The following ZNF521 variants were observed in gnomAD, a reference collection of about 807,000 sequenced individuals.
ZNF521 encodes LYST-interacting protein 3.
In ZNF521, 14 loss-of-function variants were observed where a neutral mutation model predicts 105.5. The ratio of observed to expected loss-of-function variants is 0.13; its 90% CI spans 0.09 to 0.21. The LOEUF (loss-of-function observed/expected upper bound fraction) is 0.21. Among genes scored for constraint, ZNF521 ranks in the 10% least tolerant of loss-of-function variants. The pLI, the probability that ZNF521 is intolerant of heterozygous loss-of-function variation, is 1.00. For synonymous variants in ZNF521, 635 were observed against 606.0 expected (o/e 1.05, Z -0.70); for missense variants, 1,233 against 1,629.7 (o/e 0.76, Z 4.19).
chr18:25,116,790 A>C (rs958745848), intron 5 of ZNF521, among the ~76,000 whole-genome samples: 4 of 151,116 alleles, frequency 2.6e-5, no homozygotes, highest in African/African-American at 9.7e-5. Context: ...GTTATGTCTG[A>C]CTTGAAGAAC....
At chr18:25,281,037 C>T (rs1161549826) in intron 3 of ZNF521, among the ~76,000 whole-genome samples, 3 of 152,282 alleles carry the variant, frequency 2.0e-5, no homozygotes, top group African/African-American at 7.2e-5. Flanking sequence ...TCATTTTCTA[C>T]TTCCCAGTTG....
chr18:25,161,588 A>G (rs1755013917), intron 5 of ZNF521, among the ~76,000 whole-genome samples: 1 of 152,204 alleles, frequency 6.6e-6, no homozygotes, highest in African/African-American at 2.4e-5. Flanking sequence ...AAATGACTAG[A>G]TTTAATTTCA....
At chr18:25,150,927 C>A (rs1177949849) in intron 5 of ZNF521, among the ~76,000 whole-genome samples, 1 of 138,286 alleles carries the variant, frequency 7.2e-6, no homozygotes, top group African/African-American at 2.6e-5. Flanking sequence ...CTCGCTCTGT[C>A]ACCCAGACTG....
chr18:25,336,899 T>A (rs962809123), intron 2 of ZNF521, among the ~76,000 whole-genome samples: 4 of 152,232 alleles, frequency 2.6e-5, no homozygotes, highest in African/African-American at 9.6e-5. Context: ...TACCAGACAC[T>A]ATTCTAAGAG....
intron 3 of ZNF521, among the ~76,000 whole-genome samples, chr18:25,268,417 T>C (rs932416382): frequency 2.0e-5 from 3 of 152,108 alleles, no homozygotes; most frequent in African/African-American, 7.2e-5. Flanking sequence ...ACATTCAAAT[T>C]CAGGAAATAC....
chr18:25,236,254 G>C (rs1906879564), intron 3 of ZNF521, among the ~76,000 whole-genome samples: 1 of 152,156 alleles, frequency 6.6e-6, no homozygotes, highest in Non-Finnish European at 1.5e-5. Flanking sequence ...AGAGATGAGG[G>C]GCTGGGCGCG....
intron 7 of ZNF521, among the ~76,000 whole-genome samples, chr18:25,086,530 A>G (rs1320896887): frequency 6.6e-6 from 1 of 152,126 alleles, no homozygotes; most frequent in African/African-American, 2.4e-5. Flanking sequence ...CAGAAACTAG[A>G]CCCACATAGA....
chr18:25,344,330 T>C (rs1271395916), intron 2 of ZNF521, among the ~76,000 whole-genome samples: 3 of 152,190 alleles, frequency 2.0e-5, no homozygotes, highest in African/African-American at 7.2e-5. Flanking sequence ...ATTTGATTAA[T>C]ACTATAACAG....
chr18:25,131,717 G>A (rs2034644631), intron 5 of ZNF521, among the ~76,000 whole-genome samples: 1 of 152,134 alleles, frequency 6.6e-6, no homozygotes, highest in Admixed American at 6.6e-5. Context: ...ATCGGGAGGT[G>A]AATCTTCAAG....
At chr18:25,255,365 A>G (rs1053375409) in intron 3 of ZNF521, among the ~76,000 whole-genome samples, 2 of 152,130 alleles carry the variant, frequency 1.3e-5, no homozygotes, top group African/African-American at 4.8e-5. Flanking sequence ...GGAAGGTGGA[A>G]AGTTTAACTT....
intron 7 of ZNF521, among the ~76,000 whole-genome samples, chr18:25,069,922 C>T (rs2033174815): frequency 6.6e-6 from 1 of 151,764 alleles, no homozygotes; most frequent in South Asian, 2.1e-4. Flanking sequence ...TTTGCACTGA[C>T]AGAATTTCCC....
intron 3 of ZNF521, among the ~76,000 whole-genome samples, chr18:25,254,938 A>T (rs919829885): frequency 6.6e-6 from 1 of 152,142 alleles, no homozygotes; most frequent in African/African-American, 2.4e-5. Flanking sequence ...ATGCAAACTT[A>T]TCATGAGTTA....
At chr18:25,235,368 C>T (rs1158777203) in intron 3 of ZNF521, among the ~76,000 whole-genome samples, 2 of 152,162 alleles carry the variant, frequency 1.3e-5, no homozygotes, top group Non-Finnish European at 2.9e-5. Flanking sequence ...AAATTAACTT[C>T]TTCACTGGGG....
At chr18:25,180,049 GATTAT>G (rs2035604381) in intron 5 of ZNF521, among the ~76,000 whole-genome samples, 1 of 152,174 alleles carries the variant, frequency 6.6e-6, no homozygotes, top group African/African-American at 2.4e-5. Context: ...TCAAGGTACA[GATTAT>G]GTAAAACAGA....
At chr18:25,112,653 C>CT (rs2034215781) in intron 5 of ZNF521, among the ~76,000 whole-genome samples, 1 of 151,876 alleles carries the variant, frequency 6.6e-6, no homozygotes, top group Admixed American at 6.6e-5. Context: ...ATGTGGGGTG[C>CT]GGGGGGGCAG....
chr18:25,316,323 TAAA>T (rs377173156), intron 3 of ZNF521, among the ~76,000 whole-genome samples: 12 of 90,246 alleles, frequency 1.3e-4, no homozygotes, highest in Non-Finnish European at 9.4e-5. Flanking sequence ...AAAACGAATT[TAAA>T]AAAAAAAAAA....
At chr18:25,208,336 A>G (rs185602510) in intron 4 of ZNF521, among the ~76,000 whole-genome samples, 37 of 152,354 alleles carry the variant, frequency 2.4e-4, no homozygotes, top group Admixed American at 5.2e-4. Flanking sequence ...TGTTGAATAA[A>G]TGAATGAATG....
At chr18:25,100,936 T>C (rs1013363514) in intron 5 of ZNF521, among the ~76,000 whole-genome samples, 6 of 152,166 alleles carry the variant, frequency 3.9e-5, no homozygotes, top group African/African-American at 1.2e-4. Context: ...GCTTAACTAG[T>C]GTGAATTTAA....
At chr18:25,349,919 C>T (rs1254399893) in intron 2 of ZNF521, among the ~76,000 whole-genome samples, 4 of 151,504 alleles carry the variant, frequency 2.6e-5, no homozygotes, top group African/African-American at 9.7e-5. Context: ...CTCCGGCCCT[C>T]GCGCTCCGCC....
Sources: allele counts gnomAD v4.1 joint callset (sites outside exome capture counted in the v4.1 genomes callset), GRCh38; gene constraint gnomAD v4.1.1; transcripts MANE v1.5; gene names NCBI Gene and HGNC (gene_info 2026-07-23, HGNC 2026-07-21).